The following DCHS2 variants were observed in gnomAD, a reference collection of about 807,000 sequenced individuals.
DCHS2 encodes the protein dachsous cadherin-related 2.
A neutral mutation model predicts 182.4 loss-of-function variants in DCHS2; 142 were observed. The ratio of observed to expected loss-of-function variants is 0.78; its 90% CI spans 0.68 to 0.89. DCHS2 has a LOEUF of 0.89. DCHS2 is among the 40% of genes least tolerant of loss of function. DCHS2 has a pLI of 0.00. For missense variants in DCHS2, 4,319 were observed against 4,198.6 expected (o/e 1.03, Z -0.79); for synonymous variants, 1,740 against 1,663.3 (o/e 1.05, Z -1.12).
chr4:154,347,463 C>T (rs1249994997), intron 3 of DCHS2, among the ~76,000 whole-genome samples: 2 of 151,458 alleles, frequency 1.3e-5, no homozygotes, highest in Non-Finnish European at 2.9e-5. Flanking sequence ...TTTAAACAGA[C>T]TGAAGAATCA....
intron 1 of DCHS2, among the ~76,000 whole-genome samples, chr4:154,477,216 T>A (rs764566075): frequency 6.6e-6 from 1 of 152,202 alleles, no homozygotes; most frequent in South Asian, 2.1e-4. Context: ...GACCTCTTGA[T>A]GTAGCCTCAC....
In DCHS2 at chr4:154,301,954, T is replaced by C. The variant is rs1473619292; in HGVS notation, c.5605+2715A>G. The stretch of plus-strand genomic sequence containing the variant: ...GGTCAAAATTGGAATACACTTTTGC[T>C]ATTTTAATCTTACAATCATAATAAT... On this transcript the variant is annotated intron_variant, in intron 12 of 19. Transcript: ENST00000357232. Among the ~76,000 whole-genome samples the C allele has an allele frequency of 2.6e-5, 4 of 152,378 alleles. No individual in the cohort carries two copies. The South Asian group carries it at 8.3e-4, about 32-fold the overall frequency.
rs540836598 is a variant in DCHS2 at position 154,366,302 on chromosome 4, G to T, written c.2384C>A (p.Ala795Asp). The change falls in exon 3 of 20, where the codon GCC becomes GAC. Residue 795 changes from alanine (A) to aspartate (D), a missense_variant. Physicochemically the swap from Ala to Asp is moderately radical, Grantham distance 126. Coordinates refer to ENST00000357232, the MANE Select transcript of DCHS2 (RefSeq NM_001358235.2). Reference sequence around the variant, plus strand: ...ATATATCCCAGAGTCCTGGTCAGTGGCAAGAACATTGATGATCTCGGTGCC... The same window carrying T: ...ATATATCCCAGAGTCCTGGTCAGTGTCAAGAACATTGATGATCTCGGTGCC... ...QPGTEIINVL[A>D]TDQDSGIYGT... is the part of the protein sequence containing the mutation. The T allele has an allele frequency of 6.2e-7, 1 of 1,613,770 alleles. No individual in the cohort carries two copies. Among genetic ancestry groups the T allele is most frequent in the Non-Finnish European group, 8.5e-7 (1 of 1,179,920 alleles).
intron 1 of DCHS2, among the ~76,000 whole-genome samples, chr4:154,435,883 A>G (rs1184283004): frequency 6.6e-6 from 1 of 152,220 alleles, no homozygotes. Context: ...GAAACCTGAA[A>G]TAGGCTCAGT....
intron 10 of DCHS2, among the ~76,000 whole-genome samples, chr4:154,311,838 G>A (rs1735682292): frequency 6.6e-6 from 1 of 152,024 alleles, no homozygotes; most frequent in South Asian, 2.1e-4. Context: ...GAAAAAGCAG[G>A]TGAATAAACA....
chr4:154,431,610 T>C (rs1733562423), intron 1 of DCHS2, among the ~76,000 whole-genome samples: 1 of 152,228 alleles, frequency 6.6e-6, no homozygotes, highest in African/African-American at 2.4e-5. Flanking sequence ...GAATTCTCTA[T>C]GCAGATAATA....
chr4:154,376,971 C>T (rs1730929575), intron 2 of DCHS2, among the ~76,000 whole-genome samples: 1 of 152,062 alleles, frequency 6.6e-6, no homozygotes, highest in East Asian at 1.9e-4. Flanking sequence ...TTTTGATAAT[C>T]AAGAAAATTT....
At chr4:154,381,663 C>A (rs1366616965) in intron 1 of DCHS2, among the ~76,000 whole-genome samples, 3 of 151,998 alleles carry the variant, frequency 2.0e-5, no homozygotes, top group African/African-American at 7.2e-5. Flanking sequence ...AGAGCCAAAT[C>A]AAGAACACAA....
chr4:154,429,447 G>A (rs1217235674), intron 1 of DCHS2, among the ~76,000 whole-genome samples: 3 of 152,186 alleles, frequency 2.0e-5, no homozygotes, highest in Non-Finnish European at 4.4e-5. Context: ...ATAGACTGCA[G>A]ACAGGTGTCC....
At chr4:154,457,855 G>A (rs1393195321) in intron 1 of DCHS2, among the ~76,000 whole-genome samples, 1 of 152,162 alleles carries the variant, frequency 6.6e-6, no homozygotes, top group African/African-American at 2.4e-5. Flanking sequence ...GTTCTCTGGT[G>A]TTGTTGATGC....
In DCHS2 at chr4:154,239,301, A is replaced by C. The variant is rs1444213239; in HGVS notation, c.7361T>G (p.Val2454Gly). Residue 2454 changes from valine (V) to glycine (G), a missense_variant and splice_region_variant, in exon 19 of 20, where the codon GTC becomes GGC. By Grantham distance (109) the Val-to-Gly change is moderately radical. Coordinates refer to ENST00000357232, the MANE Select transcript of DCHS2 (RefSeq NM_001358235.2). ...PPVFSQDFYQ[V>G]TVPESIPVGY... is the part of the protein sequence containing the mutation. ...CACAGGTATTGATTCAGGAACTGTG[A>C]CCTGAGGGAAAAAGAGAAAAATAGG... The C allele has an allele frequency of 6.2e-7, 1 of 1,611,780 alleles. No homozygotes were observed. The highest frequency in any genetic ancestry group is 8.5e-7 in the Non-Finnish European group (1 of 1,179,290).
intron 1 of DCHS2, among the ~76,000 whole-genome samples, chr4:154,476,077 G>A (rs558434296): frequency 1.3e-5 from 2 of 152,064 alleles, no homozygotes; most frequent in East Asian, 1.9e-4. Flanking sequence ...GTCTTTTTAC[G>A]TTTTCAATTG....
intron 5 of DCHS2, among the ~76,000 whole-genome samples, chr4:154,330,963 G>A (rs1736495231): frequency 6.6e-6 from 1 of 152,144 alleles, no homozygotes; most frequent in African/African-American, 2.4e-5. Flanking sequence ...GGTCGGGGAT[G>A]TAAAAGACTG....
At chr4:154,484,602 C>T (rs1438053274) in intron 1 of DCHS2, among the ~76,000 whole-genome samples, 3 of 152,204 alleles carry the variant, frequency 2.0e-5, no homozygotes, top group Non-Finnish European at 2.9e-5. Context: ...CTACAAAACA[C>T]ATATTTTGAT....
chr4:154,479,601 A>G lies in DCHS2; in HGVS notation c.2052+9703T>C, dbSNP rs1257494335. ...TTAGAGCACAGTTGTACTCCTCTGTATAAATGGCAAATCTGAATACTATTG... is the reference window on the plus strand; with the variant it reads ...TTAGAGCACAGTTGTACTCCTCTGTGTAAATGGCAAATCTGAATACTATTG... On this transcript the variant is annotated intron_variant, in intron 1 of 19. Transcript: ENST00000357232. Among the ~76,000 whole-genome samples the G allele has an allele frequency of 2.0e-5, 3 of 152,248 alleles. No individual in the cohort carries two copies. The South Asian group carries it at 6.2e-4, about 31-fold the overall frequency.
At chr4:154,302,963 ACACACC>A (rs771914761) in intron 12 of DCHS2, among the ~76,000 whole-genome samples, 5,730 of 56,482 alleles carry the variant, frequency 0.1, 252 homozygotes, top group African/African-American at 0.14. Context: ...ACACACACAC[ACACACC>A]CACACACACA....
intron 10 of DCHS2, among the ~76,000 whole-genome samples, chr4:154,313,478 A>T (rs1374664811): frequency 1.3e-5 from 2 of 152,182 alleles, no homozygotes; most frequent in African/African-American, 4.8e-5. Flanking sequence ...GCTCTCTAGT[A>T]TTAAGGAACA....
intron 5 of DCHS2, chr4:154,331,487 C>CA: frequency 1.5e-6 from 2 of 1,375,110 alleles, no homozygotes; most frequent in Non-Finnish European, 2.0e-6. Flanking sequence ...GCAGGAGTCT[C>CA]AGTTTAGGGA....
At chr4:154,473,284 T>C (rs114285733) in intron 1 of DCHS2, among the ~76,000 whole-genome samples, 2,879 of 152,206 alleles carry the variant, frequency 0.019, 92 homozygotes, top group African/African-American at 0.066. Flanking sequence ...ATTCCCAGAG[T>C]TGGGGAGCAC....
Sources: allele counts gnomAD v4.1 joint callset (sites outside exome capture counted in the v4.1 genomes callset), GRCh38; gene constraint gnomAD v4.1.1; transcripts MANE v1.5; gene names NCBI Gene and HGNC (gene_info 2026-07-23, HGNC 2026-07-21).